The following MLLT3 variants were observed in gnomAD, a reference collection of about 807,000 sequenced individuals.
MLLT3 encodes protein AF-9.
In MLLT3, 4 loss-of-function variants were observed where a neutral mutation model predicts 53.2. The ratio of observed to expected loss-of-function variants is 0.08; its 90% CI spans 0.04 to 0.17. The LOEUF (loss-of-function observed/expected upper bound fraction) is 0.17. MLLT3 is among the 10% of genes least tolerant of loss of function. The pLI is 1.00. For missense variants in MLLT3, 569 were observed against 684.0 expected (o/e 0.83, Z 1.87); for synonymous variants, 283 against 230.6 (o/e 1.23, Z -2.06).
At chr9:20,442,307 A>G (rs981903650) in intron 4 of MLLT3, among the ~76,000 whole-genome samples, 5 of 152,142 alleles carry the variant, frequency 3.3e-5, no homozygotes, top group African/African-American at 1.2e-4. Flanking sequence ...GGAAATGTGT[A>G]GATGTCTACC....
At chr9:20,407,173 A>C (rs1412209360) in intron 5 of MLLT3, among the ~76,000 whole-genome samples, 5 of 152,240 alleles carry the variant, frequency 3.3e-5, no homozygotes, top group Non-Finnish European at 1.5e-5. Context: ...TTCAGAAAGG[A>C]GTCTCCAAAC....
intron 7 of MLLT3, chr9:20,362,660 A>G (rs978527993): frequency 1.4e-4 from 21 of 147,640 alleles, no homozygotes; most frequent in African/African-American, 4.8e-4. Context: ...AGGACAAAGC[A>G]TTGGCAATTA....
rs148341726 is a variant in MLLT3, at chr9:20,391,226, T to G, written c.1125+22495A>C. Among the ~76,000 whole-genome samples the G allele has an allele frequency of 9.1e-4, 139 of 152,300 alleles. 1 individual carries two copies. Among genetic ancestry groups the G allele is most frequent in the African/African-American group, 3.2e-3 (135 of 41,572 alleles). On this transcript the variant is annotated intron_variant, in intron 5 of 10. Transcript: ENST00000380338. ...ACTCAATTGACATCAATCAATCATT[T>G]TGTAGGAATAAAATCACATCTAAGT...
chr9:20,410,494 G>A lies in MLLT3; in HGVS notation c.1125+3227C>T, dbSNP rs181855848. On this transcript the variant is annotated intron_variant, in intron 5 of 10. Transcript: ENST00000380338. The stretch of plus-strand genomic sequence containing the variant: ...AATTATTTGCCCAAGATCCCTAGTG[G>A]CACTGAAATTTAAGACACAGCCTGT... 2.0e-5 allele frequency: 3 copies of A among 152,160 alleles called. 1 individual carries two copies. The highest frequency in any genetic ancestry group is 7.2e-5 in the African/African-American group (3 of 41,524). 9.4% of individuals were successfully genotyped at this position (152,160 alleles called of 1,614,324 possible).
chr9:20,398,130 G>A (rs940820268), intron 5 of MLLT3, among the ~76,000 whole-genome samples: 1 of 151,628 alleles, frequency 6.6e-6, no homozygotes, highest in Non-Finnish European at 1.5e-5. Context: ...TTTTAGACAG[G>A]GTCTCACTCA....
intron 2 of MLLT3, among the ~76,000 whole-genome samples, chr9:20,595,654 G>A (rs1478280035): frequency 1.3e-5 from 2 of 152,184 alleles, no homozygotes; most frequent in Non-Finnish European, 2.9e-5. Flanking sequence ...AAGATCAGCA[G>A]TAGATGCTAA....
chr9:20,350,463 C>T lies in MLLT3; in HGVS notation c.1575+3062G>A, dbSNP rs377618489. On this transcript the variant is annotated intron_variant, in intron 10 of 10. Transcript: ENST00000380338. ...ACAAAAAATTAGCCGGGCGTGGTGG[C>T]GGGCGCCTGTAGTCCCAGCTACTTG... Among the ~76,000 whole-genome samples, 69 of 150,924 alleles carry T rather than the reference C, an allele frequency of 4.6e-4. No homozygotes were observed. In the East Asian group the frequency reaches 9.2e-3, roughly 20 times the overall value.
chr9:20,592,453 C>G (rs930535423), intron 2 of MLLT3, among the ~76,000 whole-genome samples: 1 of 152,176 alleles, frequency 6.6e-6, no homozygotes, highest in Non-Finnish European at 1.5e-5. Context: ...TGTGCCTTCA[C>G]ATGGTCTTTT....
intron 2 of MLLT3, among the ~76,000 whole-genome samples, chr9:20,600,432 T>C (rs1820393263): frequency 6.6e-6 from 1 of 152,202 alleles, no homozygotes; most frequent in African/African-American, 2.4e-5. Flanking sequence ...ATACAACCCC[T>C]TCCTTAACCA....
At chr9:20,354,695 A>G (rs2301549) in intron 9 of MLLT3, 113 bp downstream of exon 9, 88,820 of 723,178 alleles carry the variant, frequency 0.12, 18,083 homozygotes, top group African/African-American at 0.71. Flanking sequence ...GGCATCTTGG[A>G]CACTTTGATG....
intron 2 of MLLT3, among the ~76,000 whole-genome samples, chr9:20,507,785 T>C (rs1295029696): frequency 2.2e-5 from 3 of 134,432 alleles, no homozygotes; most frequent in South Asian, 2.3e-4. Flanking sequence ...GAAAAATAGA[T>C]AAATCAATTG....
At position 20,448,069 on chromosome 9, in the gene MLLT3, T is replaced by TTTG. The variant is rs1823749093; in HGVS notation, c.420+51_420+53dup. The TTTG allele has an allele frequency of 1.4e-5, 22 of 1,556,248 alleles. No individual in the cohort carries two copies. The Admixed American group carries it at 2.4e-4, about 17-fold the overall frequency. On this transcript the variant is annotated intron_variant, in intron 4 of 10. Transcript: ENST00000380338. This position sits in a 1 kb window ranked among gnomAD's most constrained non-coding sequence, Gnocchi z 4.0. ...AGGAACTAGTTTGTTTGTTTTTTTT[T>TTTG]TTGTTGTTGTTGTTTTTTAATAGGA...
At chr9:20,581,746 T>A (rs946788658) in intron 2 of MLLT3, among the ~76,000 whole-genome samples, 4 of 152,150 alleles carry the variant, frequency 2.6e-5, no homozygotes, top group African/African-American at 9.7e-5. Flanking sequence ...AGGAAAACAT[T>A]TAAAATTCAA....
At chr9:20,547,249 G>T (rs1818811742) in intron 2 of MLLT3, among the ~76,000 whole-genome samples, 1 of 151,676 alleles carries the variant, frequency 6.6e-6, no homozygotes, top group Admixed American at 6.6e-5. Flanking sequence ...GCCCAGGCTG[G>T]TTTCAAACTC....
chr9:20,519,342 TCTATA>T (rs975251433), intron 2 of MLLT3, among the ~76,000 whole-genome samples: 4 of 152,132 alleles, frequency 2.6e-5, no homozygotes, highest in African/African-American at 9.6e-5. Context: ...ACAGGGACAC[TCTATA>T]CTATGAAACT....
chr9:20,585,272 A>G (rs1465673029), intron 2 of MLLT3, among the ~76,000 whole-genome samples: 1 of 152,108 alleles, frequency 6.6e-6, no homozygotes, highest in East Asian at 1.9e-4. Context: ...TTATTTTTCA[A>G]CTGACAAAAA....
At chr9:20,610,477 G>C (rs10115725) in intron 2 of MLLT3, among the ~76,000 whole-genome samples, 1 of 152,110 alleles carries the variant, frequency 6.6e-6, no homozygotes, top group East Asian at 1.9e-4. Flanking sequence ...TATTAGAGGT[G>C]CAGAAGAAAT....
chr9:20,414,300 A>ACTGCTG lies in MLLT3; in HGVS notation c.540_545dup (p.Ser189_Ser190dup), dbSNP rs1563956655. On this transcript the variant is annotated inframe_insertion, in exon 5 of 11. Coordinates refer to ENST00000380338, the MANE Select transcript of MLLT3 (RefSeq NM_004529.4). ...TACTACTGCTGCTGCTGCTGCTGCT[A>ACTGCTG]CTGCTGCTGCTACTGCTGCTGCTGC... 16 of 1,595,724 alleles carry ACTGCTG rather than the reference A, an allele frequency of 1.0e-5. No homozygotes were observed. Among genetic ancestry groups the ACTGCTG allele is most frequent in the South Asian group, 2.2e-5 (2 of 90,416 alleles).
At chr9:20,414,499 A>G in intron 4 of MLLT3, 74 bp from the exon 5 acceptor site, 2 of 1,580,436 alleles carry the variant, frequency 1.3e-6, no homozygotes, top group South Asian at 2.2e-5. Flanking sequence ...ATCTACATAA[A>G]ATGATCCTTC....
Sources: allele counts gnomAD v4.1 joint callset (sites outside exome capture counted in the v4.1 genomes callset), GRCh38; gene constraint gnomAD v4.1.1; non-coding constraint Gnocchi (gnomAD v3.1); transcripts MANE v1.5; gene names NCBI Gene and HGNC (gene_info 2026-07-23, HGNC 2026-07-21).